Variants in SEZ6 observed in about 807,000 individuals in gnomAD.
SEZ6 encodes seizure protein 6 homolog.
Under a neutral mutation model 101.0 loss-of-function variants are expected in SEZ6, and 53 were observed. The ratio of observed to expected loss-of-function variants is 0.52; its 90% CI spans 0.42 to 0.66. The LOEUF is 0.66. SEZ6 is among the 30% of genes least tolerant of loss of function. The pLI, the probability that SEZ6 is intolerant of heterozygous loss-of-function variation, is 0.00. For synonymous variants in SEZ6, 488 were observed against 512.2 expected, an observed-to-expected ratio of 0.95 and a Z score of 0.64; for missense variants, 1,102 against 1,289.4, an observed-to-expected ratio of 0.85 and a Z score of 2.23.
At position 28,956,169 on chromosome 17, in the gene SEZ6, T is replaced by TGAC; in HGVS notation, c.2941_2942insGTC (p.Tyr981delinsCysHis). On this transcript the variant is annotated protein_altering_variant, in exon 16 of 17. Coordinates refer to ENST00000317338, the MANE Select transcript of SEZ6 (RefSeq NM_178860.5). ...GGCATGGTTACTTACTCCAGTCTCG[T>TGAC]AAGTTGGATTGTCAAACGCTGACTC... 6.8e-7 allele frequency: 1 copy of TGAC among 1,460,396 alleles called. No individual in the cohort carries two copies. The highest frequency in any genetic ancestry group is 9.2e-7 in the Non-Finnish European group (1 of 1,089,512). The allele number at this position is 1,460,396 out of a possible 1,614,324, so 90.5% of individuals were successfully genotyped here.
At chr17:28,980,236 T>C (rs1297156181) in intron 2 of SEZ6, among the ~76,000 whole-genome samples, 2 of 150,736 alleles carry the variant, frequency 1.3e-5, no homozygotes, top group Non-Finnish European at 3.0e-5. Flanking sequence ...AGACGGAGTT[T>C]TACTCTTGTT....
chr17:28,990,431 T>G (rs1462000321), intron 1 of SEZ6, among the ~76,000 whole-genome samples: 1 of 151,838 alleles, frequency 6.6e-6, no homozygotes, highest in Non-Finnish European at 1.5e-5. Context: ...ACCCAGACAG[T>G]TTTTTGTATT....
chr17:29,004,943 G>A (rs1217238530), intron 1 of SEZ6, among the ~76,000 whole-genome samples: 5 of 152,176 alleles, frequency 3.3e-5, no homozygotes, highest in Non-Finnish European at 7.4e-5. Context: ...TTGGGGACCA[G>A]ACTCCTAGAG....
At chr17:28,958,279 C>G in intron 10 of SEZ6, 138 bp from the exon 11 acceptor site, 1 of 974,872 alleles carries the variant, frequency 1.0e-6, no homozygotes, top group East Asian at 2.6e-5. Flanking sequence ...ATCCATTCCT[C>G]CCTGCTCAAG....
intron 1 of SEZ6, among the ~76,000 whole-genome samples, chr17:28,991,960 G>A (rs1488141454): frequency 6.6e-6 from 1 of 152,210 alleles, no homozygotes; most frequent in Non-Finnish European, 1.5e-5. Context: ...GCCCTCACAT[G>A]TGTGTTCCAG....
rs1291852796 is a variant in SEZ6, at chr17:28,995,906, C to T, written c.55+9909G>A. On this transcript the variant is annotated intron_variant, in intron 1 of 16. Coordinates refer to ENST00000317338, the MANE Select transcript of SEZ6 (RefSeq NM_178860.5). ...TACTGGAGGTCCCTGGGTGGGCCACCTCCTCCAGGCATGCCTCCCTCCTCT... is the reference window on the plus strand; with the variant it reads ...TACTGGAGGTCCCTGGGTGGGCCACTTCCTCCAGGCATGCCTCCCTCCTCT... 5.9e-5 allele frequency among the ~76,000 whole-genome samples: 9 copies of T among 152,146 alleles called. No homozygotes were observed. In the East Asian group the frequency reaches 1.5e-3, roughly 26 times the overall value.
At chr17:28,962,780 CAA>C (rs141990354) in intron 5 of SEZ6, among the ~76,000 whole-genome samples, 25 of 47,304 alleles carry the variant, frequency 5.3e-4, no homozygotes, top group Admixed American at 9.3e-4. Flanking sequence ...GACTCCATCT[CAA>C]AAAAAAAAAA....
At chr17:28,982,214 A>G (rs2041318738) in intron 1 of SEZ6, among the ~76,000 whole-genome samples, 175 bp from the exon 2 acceptor site, 1 of 152,128 alleles carries the variant, frequency 6.6e-6, no homozygotes, top group Non-Finnish European at 1.5e-5. Context: ...GTGCTATTAC[A>G]TACTTCAAGG....
intron 1 of SEZ6, among the ~76,000 whole-genome samples, chr17:29,004,906 G>A (rs948406154): frequency 1.9e-4 from 29 of 152,272 alleles, no homozygotes; most frequent in Admixed American, 5.9e-4. Context: ...CCATGGCCAA[G>A]CTTCCCTCTA....
In SEZ6 at chr17:28,957,820, T is replaced by A. The variant is rs575200722; in HGVS notation, c.2302+127A>T. The A allele has an allele frequency of 4.4e-5, 49 of 1,106,234 alleles. No homozygotes were observed. In the South Asian group the frequency reaches 7.3e-4, roughly 17 times the overall value. The allele number at this position is 1,106,234 out of a possible 1,614,324, so 68.5% of individuals were successfully genotyped here. ...ATCCCCATTTCACAGATGAGGAAAC[T>A]GAGGCTATAAGAGGTGAAGGAACTT... On this transcript the variant is annotated intron_variant, in intron 11 of 16. Coordinates refer to ENST00000317338, the MANE Select transcript of SEZ6 (RefSeq NM_178860.5).
chr17:28,972,316 G>A (rs1434643702), intron 3 of SEZ6, among the ~76,000 whole-genome samples: 1 of 152,230 alleles, frequency 6.6e-6, no homozygotes, highest in Non-Finnish European at 1.5e-5. Flanking sequence ...GGCTGCTGGA[G>A]AGACATTCCC....
chr17:28,999,473 C>G (rs1213554713), intron 1 of SEZ6, among the ~76,000 whole-genome samples: 1 of 152,190 alleles, frequency 6.6e-6, no homozygotes, highest in East Asian at 1.9e-4. Flanking sequence ...GCTCTGCAGC[C>G]TGAGACCTGG....
At chr17:28,999,409 C>T (rs545074858) in intron 1 of SEZ6, among the ~76,000 whole-genome samples, 1 of 152,176 alleles carries the variant, frequency 6.6e-6, no homozygotes, top group Non-Finnish European at 1.5e-5. Flanking sequence ...CCAGCCAGGA[C>T]TTCCCACCCT....
intron 1 of SEZ6, among the ~76,000 whole-genome samples, chr17:28,996,125 C>CGGGTGGCTGGGACTACAGCGG (rs2041534539): frequency 6.9e-6 from 1 of 145,248 alleles, no homozygotes; most frequent in Admixed American, 6.9e-5. Context: ...CTCAGCCTCC[C>CGGGTGGCTGGGACTACAGCGG]GGGTGGCTGG....
rs1238296877 is a variant in SEZ6, at chr17:28,955,730, C to G, written c.*232G>C. 1.5e-6 allele frequency: 1 copy of G among 688,918 alleles called. No homozygotes were observed. The highest frequency in any genetic ancestry group is 2.7e-6 in the Non-Finnish European group (1 of 376,970). 42.7% of individuals were successfully genotyped at this position (688,918 alleles called of 1,614,324 possible). A position where few individuals can be genotyped will look rare whatever the true frequency, so the allele number is the denominator to read the frequency against. On this transcript the variant is annotated 3_prime_UTR_variant, in exon 17 of 17. Coordinates refer to ENST00000317338, the MANE Select transcript of SEZ6 (RefSeq NM_178860.5). ...TATGTTCTTCCCACAGGTAGATGCCCCCTGACATGGGCCCAATGAAGGGCC... is the reference window on the plus strand; with the variant it reads ...TATGTTCTTCCCACAGGTAGATGCCGCCTGACATGGGCCCAATGAAGGGCC...
chr17:28,983,057 C>T (rs1034077576), intron 1 of SEZ6, among the ~76,000 whole-genome samples: 2 of 152,192 alleles, frequency 1.3e-5, no homozygotes, highest in African/African-American at 4.8e-5. Context: ...TTTTATGGTC[C>T]TTCTAGAGCA....
chr17:28,978,190 C>T (rs147662883), intron 3 of SEZ6, among the ~76,000 whole-genome samples: 269 of 152,340 alleles, frequency 1.8e-3, no homozygotes, highest in Middle Eastern at 0.01. Flanking sequence ...GGGAGCAGGA[C>T]ACACTTCTCA....
intron 1 of SEZ6, among the ~76,000 whole-genome samples, chr17:29,000,681 G>T (rs2041604082): frequency 6.6e-6 from 1 of 152,190 alleles, no homozygotes; most frequent in African/African-American, 2.4e-5. Context: ...CTATGTGAGA[G>T]TGTCTGAAGC....
In SEZ6 at chr17:28,959,684, T is replaced by C. The variant is rs1292373965; in HGVS notation, c.1771+14A>G. On this transcript the variant is annotated intron_variant, in intron 8 of 16. Coordinates refer to ENST00000317338, the MANE Select transcript of SEZ6 (RefSeq NM_178860.5). The surrounding 1 kb of genome is among the most constrained non-coding windows in gnomAD (Gnocchi z 4.4). ...CCTTTTGCCCGGTAGGCCCATCCAC[T>C]GGTGTCTACTGACCTCGGCAGGCTG... 6.4e-7 allele frequency: 1 copy of C among 1,570,372 alleles called. No individual in the cohort carries two copies. The highest frequency in any genetic ancestry group is 1.8e-5 in the Admixed American group (1 of 56,862).
Sources: allele counts gnomAD v4.1 joint callset (sites outside exome capture counted in the v4.1 genomes callset), GRCh38; gene constraint gnomAD v4.1.1; non-coding constraint Gnocchi (gnomAD v3.1); transcripts MANE v1.5; gene names NCBI Gene and HGNC (gene_info 2026-07-23, HGNC 2026-07-21).